ARHGAP17: variants seen among roughly 807,000 people sequenced by gnomAD.
The protein encoded by ARHGAP17 is rho GTPase-activating protein 17.
Under a neutral mutation model 99.5 loss-of-function variants are expected in ARHGAP17, and 57 were observed. The ratio of observed to expected loss-of-function variants is 0.57; its 90% CI spans 0.46 to 0.71. ARHGAP17 has a LOEUF of 0.71. Among genes scored for constraint, ARHGAP17 ranks in the 30% least tolerant of loss-of-function variants. The pLI is 0.00. For synonymous variants in ARHGAP17, 417 were observed against 429.6 expected, an observed-to-expected ratio of 0.97 and a Z score of 0.36; for missense variants, 1,000 against 1,122.4, an observed-to-expected ratio of 0.89 and a Z score of 1.56.
chr16:24,968,451 G>C, intron 5 of ARHGAP17, 24 bp from the exon 6 acceptor site: 1 of 1,612,802 alleles, frequency 6.2e-7, no homozygotes, highest in African/African-American at 1.3e-5. Flanking sequence ...CATACCAAAT[G>C]GGATGCACTT....
intron 6 of ARHGAP17, among the ~76,000 whole-genome samples, chr16:24,964,952 A>G (rs929078729): frequency 1.3e-5 from 2 of 152,164 alleles, no homozygotes; most frequent in African/African-American, 4.8e-5. Context: ...TACAAACAAC[A>G]ATAACAATAA....
intron 5 of ARHGAP17, 27 bp from the exon 6 acceptor site, chr16:24,968,454 AT>A: frequency 6.2e-7 from 1 of 1,612,790 alleles, no homozygotes; most frequent in Non-Finnish European, 8.5e-7. Flanking sequence ...ACCAAATGGG[AT>A]GCACTTCAGG....
rs994038915 is a variant in ARHGAP17 at position 24,939,167 on chromosome 16, T to G, written c.1724+197A>C. ...GCAAAGAATGCAAACCAATGTTGCT[T>G]TCTTTGGAAAACATAAAAAGAAGCG... On this transcript the variant is annotated intron_variant, in intron 17 of 19. Transcript: ENST00000289968. 6.6e-5 allele frequency among the ~76,000 whole-genome samples: 10 copies of G among 152,358 alleles called. No individual in the cohort carries two copies. The East Asian group carries it at 1.9e-3, about 29-fold the overall frequency.
chr16:24,959,912 G>C lies in ARHGAP17; in HGVS notation c.641C>G (p.Thr214Arg). The change falls in exon 8 of 20, where the codon ACG becomes AGG. Residue 214 changes from threonine to arginine, a missense_variant and splice_region_variant. By Grantham distance (71) the Thr-to-Arg change is moderately conservative. Transcript: ENST00000289968. ...ATTTTCTCAAGGGAAGGTGCTTACC[G>C]TAACAAAGAATTTGCCATACTCCCC... ...KEGEYGKFFVTLLEAQADYHR... is the reference protein window; with the variant it reads ...KEGEYGKFFVRLLEAQADYHR... 1.9e-6 allele frequency: 3 copies of C among 1,613,892 alleles called. No individual in the cohort carries two copies. Among genetic ancestry groups the C allele is most frequent in the Non-Finnish European group, 2.5e-6 (3 of 1,179,866 alleles).
At position 24,978,362 on chromosome 16, in the gene ARHGAP17, C is replaced by T. The variant is rs531866534; in HGVS notation, c.93+604G>A. 2.6e-5 allele frequency among the ~76,000 whole-genome samples: 4 copies of T among 152,326 alleles called. No individual in the cohort carries two copies. The South Asian group carries it at 8.3e-4, about 32-fold the overall frequency. ...TATTCGTTGAGAGGGCCCATGTCTA[C>T]TGAGTTCCTGTGCAAGGTATTCAAG... On this transcript the variant is annotated intron_variant, in intron 2 of 19. Transcript: ENST00000289968.
intron 1 of ARHGAP17, 126 bp downstream of exon 1, chr16:25,015,083 T>A (rs1009181202): frequency 3.2e-6 from 3 of 946,416 alleles, no homozygotes; most frequent in Non-Finnish European, 3.9e-6. Context: ...CGTGCCCCGC[T>A]GGTCTCGGGC....
intron 14 of ARHGAP17, among the ~76,000 whole-genome samples, chr16:24,944,596 T>G (rs912673811): frequency 6.6e-6 from 1 of 152,070 alleles, no homozygotes; most frequent in African/African-American, 2.4e-5. Context: ...ATTGTTACAG[T>G]GTGCCTTTTA....
chr16:24,960,266 C>G (rs56342719), intron 7 of ARHGAP17, among the ~76,000 whole-genome samples: 1 of 152,106 alleles, frequency 6.6e-6, no homozygotes, highest in Non-Finnish European at 1.5e-5. Context: ...GTGGAATGGC[C>G]GGGCACGATG....
Position 24,939,480 on chromosome 16 carries a change from C to T in ARHGAP17, c.1608G>A (p.Val536=). The T allele has an allele frequency of 1.2e-6, 2 of 1,610,958 alleles. No homozygotes were observed. Among genetic ancestry groups the T allele is most frequent in the Admixed American group, 1.7e-5 (1 of 59,610 alleles). ...GGGGAGGGGGCTCTGGGCCAGCGGG[C>T]ACCACGGTGCTGCCATCTGTGGGCG... is the stretch of plus-strand genomic sequence containing the variant. ...PLPPTDGSTV[V]PAGPEPPPQS... is the part of the protein sequence containing the mutation. Residue 536 remains valine, a synonymous_variant, in exon 17 of 20, where the codon GTG becomes GTA. Transcript: ENST00000289968.
intron 1 of ARHGAP17, among the ~76,000 whole-genome samples, chr16:24,999,213 T>C (rs1357558532): frequency 6.6e-6 from 1 of 152,242 alleles, no homozygotes; most frequent in South Asian, 2.1e-4. Context: ...TCTGAGAAGT[T>C]TCTGTCTGTG....
At chr16:24,940,204 A>C (rs986410895) in intron 16 of ARHGAP17, among the ~76,000 whole-genome samples, 7 of 152,162 alleles carry the variant, frequency 4.6e-5, no homozygotes, top group Non-Finnish European at 1.0e-4. Flanking sequence ...GATTACAGGC[A>C]TAAGTCACCA....
chr16:24,994,490 C>T (rs2053138497), intron 1 of ARHGAP17, among the ~76,000 whole-genome samples: 1 of 152,124 alleles, frequency 6.6e-6, no homozygotes, highest in African/African-American at 2.4e-5. Flanking sequence ...CCCTGCTCTG[C>T]CAGAGCTCAA....
At chr16:24,969,994 T>C (rs1006378307) in intron 4 of ARHGAP17, among the ~76,000 whole-genome samples, 7 of 151,486 alleles carry the variant, frequency 4.6e-5, no homozygotes, top group Non-Finnish European at 7.4e-5. Context: ...CCTTCCCTCC[T>C]ACAATAAAAA....
chr16:24,947,426 G>T, intron 14 of ARHGAP17, 56 bp downstream of exon 14: 1 of 1,384,524 alleles, frequency 7.2e-7, no homozygotes, highest in Non-Finnish European at 1.0e-6. Context: ...ACATTTCTAT[G>T]CATCCCATCA....
chr16:24,953,014 G>C lies in ARHGAP17; in HGVS notation c.881C>G (p.Ser294Cys). The C allele has an allele frequency of 6.2e-7, 1 of 1,614,164 alleles. No homozygotes were observed. The part of the protein sequence containing the change: ...EGLFRIGAGA[S>C]KLKKLKAALD... ...AGCAGCTTTCAGCTTCTTTAACTTG[G>C]AGGCCCCAGCCCCAATTCGGAAAAG... The change falls in exon 11 of 20, where the codon TCC (serine) becomes TGC (cysteine). Residue 294 changes from serine (S) to cysteine (C), a missense_variant. By Grantham distance (112) the Ser-to-Cys change is moderately radical. Coordinates refer to ENST00000289968, the MANE Select transcript of ARHGAP17 (RefSeq NM_001006634.3).
intron 1 of ARHGAP17, among the ~76,000 whole-genome samples, chr16:25,007,652 C>T (rs1179513944): frequency 2.6e-5 from 4 of 152,208 alleles, no homozygotes; most frequent in Admixed American, 1.3e-4. Flanking sequence ...AAGCATGGGC[C>T]ACTGCACCCG....
At chr16:24,938,454 C>CCTTTCT (rs2051204512) in intron 17 of ARHGAP17, among the ~76,000 whole-genome samples, 1 of 152,012 alleles carries the variant, frequency 6.6e-6, no homozygotes, top group Non-Finnish European at 1.5e-5. Flanking sequence ...GGTTAAGCAA[C>CCTTTCT]TAAAAGAGCC....
At chr16:24,951,044 G>T (rs878935809) in intron 12 of ARHGAP17, among the ~76,000 whole-genome samples, 3 of 152,082 alleles carry the variant, frequency 2.0e-5, no homozygotes, top group Admixed American at 2.0e-4. Context: ...TCCCTTAGTG[G>T]TGAGGAGTAG....
intron 1 of ARHGAP17, among the ~76,000 whole-genome samples, chr16:24,986,461 G>C (rs1429868144): frequency 1.3e-5 from 2 of 152,060 alleles, no homozygotes; most frequent in East Asian, 3.8e-4. Context: ...TCAGAAGAAT[G>C]GTTATTTTAA....
Sources: gnomAD v4.1 joint callset for allele counts (sites outside exome capture counted in the v4.1 genomes callset) on GRCh38, gnomAD v4.1.1 for gene constraint, MANE v1.5 for transcripts, NCBI Gene and HGNC (gene_info 2026-07-23, HGNC 2026-07-21) for gene names.